Variants in PPRC1 observed in about 807,000 individuals in gnomAD.
PPRC1 encodes the protein peroxisome proliferator-activated receptor gamma coactivator-related protein 1.
In PPRC1, 23 loss-of-function variants were observed where a neutral mutation model predicts 132.5. That is an observed-to-expected ratio of 0.17 (90% CI 0.12 to 0.25). The LOEUF (loss-of-function observed/expected upper bound fraction) is 0.25. PPRC1 is among the 10% of genes least tolerant of loss of function. PPRC1 has a pLI of 1.00. For synonymous variants in PPRC1, 872 were observed against 833.5 expected (o/e 1.05, Z -0.80); for missense variants, 2,006 against 2,089.1 (o/e 0.96, Z 0.78).
At chr10:102,137,074 C>T (rs2068752837) in intron 1 of PPRC1, among the ~76,000 whole-genome samples, 1 of 152,312 alleles carries the variant, frequency 6.6e-6, no homozygotes, top group African/African-American at 2.4e-5. Context: ...CGTGGCGGCT[C>T]ACGCCTGTAA....
chr10:102,125,318 G>A, the PPRC1 span, among the ~76,000 whole-genome samples: 1 of 150,602 alleles, frequency 6.6e-6, no homozygotes, highest in Non-Finnish European at 1.5e-5. Flanking sequence ...GAGTGCAGTG[G>A]CACTATCTCA....
At chr10:102,122,922 T>C in the PPRC1 span, among the ~76,000 whole-genome samples, 1 of 152,226 alleles carries the variant, frequency 6.6e-6, no homozygotes, top group Non-Finnish European at 1.5e-5. Context: ...TTACCTCCAT[T>C]GAACAAGTAG....
At chr10:102,142,898 C>T (rs2133677094) in intron 5 of PPRC1, 147 bp from the exon 6 acceptor site, 1 of 628,342 alleles carries the variant, frequency 1.6e-6, no homozygotes, top group East Asian at 2.9e-5. Context: ...TTGAATCCTT[C>T]ATGCTTTGTG....
chr10:102,127,071 A>T, the PPRC1 span, among the ~76,000 whole-genome samples: 2 of 108,444 alleles, frequency 1.8e-5, no homozygotes, highest in Non-Finnish European at 4.0e-5. Flanking sequence ...ATATATATAA[A>T]TTAAAAAAAA....
At position 102,149,238 on chromosome 10, in the gene PPRC1, T is replaced by G; in HGVS notation, c.4800T>G (p.Ser1600Arg). The G allele has an allele frequency of 6.2e-7, 1 of 1,612,062 alleles. No homozygotes were observed. Among genetic ancestry groups the G allele is most frequent in the East Asian group, 2.2e-5 (1 of 44,848 alleles). ...AGGAGGCATTTGCAGCCATTGAGAGTGGCCACAAGCTGCGGCAGGCAGATG... is the reference window on the plus strand; with the variant it reads ...AGGAGGCATTTGCAGCCATTGAGAGGGGCCACAAGCTGCGGCAGGCAGATG... ...YAEEAFAAIE[S>R]GHKLRQADEQ... The change falls in exon 13 of 14, where the codon AGT becomes AGG. Residue 1600 changes from serine (S) to arginine (R), a missense_variant. Transcript: ENST00000278070.
upstream of PPRC1, among the ~76,000 whole-genome samples, chr10:102,130,448 A>G (rs1256256150): frequency 7.4e-6 from 1 of 136,032 alleles, no homozygotes; most frequent in Non-Finnish European, 1.6e-5. Flanking sequence ...AAAAACAACT[A>G]AACAGGGCTG....
chr10:102,126,763 C>T, the PPRC1 span, among the ~76,000 whole-genome samples: 1 of 151,902 alleles, frequency 6.6e-6, no homozygotes, highest in Non-Finnish European at 1.5e-5. Context: ...CCAGCCGCAG[C>T]CGTGAACTGT....
chr10:102,139,033 T>G (rs1053572547), intron 4 of PPRC1, 53 bp downstream of exon 4: 12 of 1,602,386 alleles, frequency 7.5e-6, no homozygotes, highest in Non-Finnish European at 1.0e-5. Context: ...GAGGAGTGTG[T>G]GGGGACAGGT....
chr10:102,141,105 C>A lies in PPRC1; in HGVS notation c.2597C>A (p.Ser866Tyr), dbSNP rs1169627573. Residue 866 changes from serine to tyrosine, a missense_variant, in exon 5 of 14, where the codon TCC (serine) becomes TAC (tyrosine). Around this residue, in one of 2 missense-constraint regions of PPRC1, gnomAD observed 1,914 missense variants for 1,917.2 expected, o/e 1.00. Coordinates refer to ENST00000278070, the MANE Select transcript of PPRC1 (RefSeq NM_015062.5). ...CCTTCCCCTCCTGTGCAGTCTGTGT[C>A]CCCTGCTGTGCCCACACCTCCCTCG... ...ARPSPPVQSV[S>Y]PAVPTPPSMS... 1 of 1,614,112 alleles carries A rather than the reference C, an allele frequency of 6.2e-7. No homozygotes were observed. The highest frequency in any genetic ancestry group is 1.7e-5 in the Admixed American group (1 of 60,030).
At chr10:102,143,544 A>G (rs1345486790) in intron 6 of PPRC1, among the ~76,000 whole-genome samples, 6 of 149,058 alleles carry the variant, frequency 4.0e-5, no homozygotes, top group Non-Finnish European at 8.9e-5. Flanking sequence ...GATTGCAGTG[A>G]GCCGAGATCG....
At chr10:102,120,229 G>T in the PPRC1 span, 1 of 984,564 alleles carries the variant, frequency 1.0e-6, no homozygotes, top group South Asian at 4.5e-5. Flanking sequence ...CCGCCGGCCC[G>T]GCCCGGCCTC....
Position 102,140,447 on chromosome 10 carries a change from G to C in PPRC1, c.1939G>C (p.Val647Leu), listed in dbSNP as rs749449895. The C allele has an allele frequency of 1.2e-6, 2 of 1,614,194 alleles. No homozygotes were observed. Among genetic ancestry groups the C allele is most frequent in the Non-Finnish European group, 1.7e-6 (2 of 1,180,038 alleles). The change falls in exon 5 of 14, where the codon GTT becomes CTT. Residue 647 changes from valine (V) to leucine (L), a missense_variant. Val to Leu is a conservative substitution (Grantham distance 32). Coordinates refer to ENST00000278070, the MANE Select transcript of PPRC1 (RefSeq NM_015062.5). ...ADSAAVDPAVVPISDNLPPVD... is the reference protein window; with the variant it reads ...ADSAAVDPAVLPISDNLPPVD... The stretch of plus-strand genomic sequence containing the variant: ...CTCAGCAGCAGTTGACCCTGCAGTG[G>C]TTCCCATCTCAGATAACTTGCCACC...
At chr10:102,144,972 A>T in intron 7 of PPRC1, 48 bp from the exon 8 acceptor site, 3 of 1,449,910 alleles carry the variant, frequency 2.1e-6, no homozygotes, top group Non-Finnish European at 1.9e-6. Context: ...AATGTATAAG[A>T]TATTGAGAAG....
chr10:102,144,847 C>T (rs552397031), intron 7 of PPRC1, 173 bp from the exon 8 acceptor site: 1 of 614,884 alleles, frequency 1.6e-6, no homozygotes, highest in African/African-American at 1.9e-5. Context: ...AGTTGAGATC[C>T]AATTTGTAGT....
At chr10:102,149,504 A>G (rs1233259014) in intron 13 of PPRC1, among the ~76,000 whole-genome samples, 175 bp downstream of exon 13, 1 of 152,198 alleles carries the variant, frequency 6.6e-6, no homozygotes, top group Non-Finnish European at 1.5e-5. Context: ...AGGCTGAGGC[A>G]GGCAAATCAC....
rs752673605 is a variant in PPRC1, at chr10:102,138,950, G to A, written c.561G>A (p.Gly187=). The part of the protein sequence containing the change: ...RDLITPVDPL[G]PSTGSSRGSG... ...TCATCACCCCAGTTGACCCACTGGGGCCCAGTACAGGCAGCAGTAGAGGGA... is the reference window on the plus strand; with the variant it reads ...TCATCACCCCAGTTGACCCACTGGGACCCAGTACAGGCAGCAGTAGAGGGA... The change falls in exon 4 of 14, where the codon GGG becomes GGA. Residue 187 remains glycine, a synonymous_variant. Transcript: ENST00000278070. 1 of 1,614,110 alleles carries A rather than the reference G, an allele frequency of 6.2e-7. No homozygotes were observed.
the PPRC1 span, among the ~76,000 whole-genome samples, chr10:102,122,506 AG>A: frequency 7.8e-6 from 1 of 128,894 alleles, no homozygotes; most frequent in African/African-American, 3.0e-5. Context: ...CCAAGAGAGG[AG>A]GGGGCTGGAT....
At chr10:102,131,524 G>GCATTCAAATAAATGCAAATTCAAGTGCA (rs1590306624), upstream of PPRC1, among the ~76,000 whole-genome samples, 1 of 152,280 alleles carries the variant, frequency 6.6e-6, no homozygotes, top group East Asian at 1.9e-4. Context: ...TACATGCATT[G>GCATTCAAATAAATGCAAATTCAAGTGCA]TTTAACTCGG....
chr10:102,141,765 C>G lies in PPRC1; in HGVS notation c.3257C>G (p.Ser1086Cys). 1 of 1,613,868 alleles carries G rather than the reference C, an allele frequency of 6.2e-7. No homozygotes were observed. The highest frequency in any genetic ancestry group is 8.5e-7 in the Non-Finnish European group (1 of 1,179,870). Residue 1086 changes from serine (S) to cysteine (C), a missense_variant, in exon 5 of 14, where the codon TCT becomes TGT. Around this residue, in one of 2 missense-constraint regions of PPRC1, gnomAD observed 1,914 missense variants for 1,917.2 expected, o/e 1.00. Transcript: ENST00000278070. ...SPQMKALACV[S>C]AEGVTVEEPA... ...CAGATGAAGGCTCTAGCATGTGTGT[C>G]TGCTGAAGGTGTGACTGTTGAGGAG...
Sources: gnomAD v4.1 joint callset for allele counts (sites outside exome capture counted in the v4.1 genomes callset) on GRCh38, gnomAD v4.1.1 for gene constraint, gnomAD v4.1.1 regional missense constraint, MANE v1.5 for transcripts, NCBI Gene and HGNC (gene_info 2026-07-23, HGNC 2026-07-21) for gene names.